The following DLGAP1 variants were observed in gnomAD, a reference collection of about 807,000 sequenced individuals.
DLGAP1 encodes disks large-associated protein 1.
A neutral mutation model predicts 90.8 loss-of-function variants in DLGAP1; 11 were observed. The ratio of observed to expected loss-of-function variants is 0.12; its 90% confidence interval spans 0.08 to 0.20. The LOEUF is 0.20. Among genes scored for constraint, DLGAP1 ranks in the 10% least tolerant of loss-of-function variants. DLGAP1 has a pLI of 1.00. For missense variants in DLGAP1, 1,050 were observed against 1,333.8 expected, an observed-to-expected ratio of 0.79 and a Z score of 3.31; for synonymous variants, 558 against 540.7, an observed-to-expected ratio of 1.03 and a Z score of -0.44.
intron 1 of DLGAP1, among the ~76,000 whole-genome samples, chr18:4,205,651 C>T (rs995820113): frequency 9.2e-5 from 14 of 152,286 alleles, no homozygotes; most frequent in Middle Eastern, 6.8e-3. Flanking sequence ...AGCCACCATG[C>T]CCAGCCTTAA....
In DLGAP1 at chr18:4,343,114, T is replaced by C. The variant is rs193150087; in HGVS notation, c.-267+111892A>G. Among the ~76,000 whole-genome samples the C allele has an allele frequency of 7.0e-3, 1,064 of 152,082 alleles. 8 individuals carry two copies. The highest frequency in any genetic ancestry group is 0.011 in the Admixed American group (170 of 15,280). On this transcript the variant is annotated intron_variant, in intron 1 of 12. Coordinates refer to ENST00000315677, the MANE Select transcript of DLGAP1 (RefSeq NM_004746.4). ...CGAGGTCAGGAGGTCGAGACCATCC[T>C]GTCTAACATGGTGAAACTCCGTCTC...
intron 2 of DLGAP1, among the ~76,000 whole-genome samples, chr18:4,063,681 A>C (rs2075331885): frequency 6.6e-6 from 1 of 152,076 alleles, no homozygotes; most frequent in Non-Finnish European, 1.5e-5. Context: ...ATTCTCACTA[A>C]GGGAGCCTTC....
At chr18:3,576,386 G>A (rs979285302) in intron 8 of DLGAP1, among the ~76,000 whole-genome samples, 4 of 150,934 alleles carry the variant, frequency 2.7e-5, no homozygotes, top group African/African-American at 9.8e-5. Context: ...AGCCTCCCGA[G>A]TACTTGATAT....
intron 7 of DLGAP1, among the ~76,000 whole-genome samples, chr18:3,601,620 A>C (rs1173313139): frequency 6.6e-6 from 1 of 151,800 alleles, no homozygotes; most frequent in Non-Finnish European, 1.5e-5. Flanking sequence ...AGGTGGGCCA[A>C]TCGTTTGAGG....
chr18:3,727,159 C>G lies in DLGAP1; in HGVS notation c.1591+1976G>C, dbSNP rs543847912. Among the ~76,000 whole-genome samples the G allele has an allele frequency of 3.0e-4, 46 of 152,320 alleles. No individual in the cohort carries two copies. Among genetic ancestry groups the G allele is most frequent in the Non-Finnish European group, 4.6e-4 (31 of 68,022 alleles). Reference sequence around the variant, plus strand: ...TACCTATCCAGCAGAATTATTCACTCTTTACCTGAAATTGAAATTTAACTG... The same window carrying G: ...TACCTATCCAGCAGAATTATTCACTGTTTACCTGAAATTGAAATTTAACTG... On this transcript the variant is annotated intron_variant, in intron 7 of 12. Coordinates refer to ENST00000315677, the MANE Select transcript of DLGAP1 (RefSeq NM_004746.4). The surrounding 1 kb of genome is among the most constrained non-coding windows in gnomAD (Gnocchi z 4.7).
intron 2 of DLGAP1, among the ~76,000 whole-genome samples, chr18:4,111,491 A>G (rs2075971427): frequency 6.6e-6 from 1 of 152,184 alleles, no homozygotes; most frequent in Non-Finnish European, 1.5e-5. Flanking sequence ...TTTACAAAGG[A>G]TTGGTATTCA....
At chr18:3,953,139 G>C in intron 3 of DLGAP1, among the ~76,000 whole-genome samples, 1 of 152,140 alleles carries the variant, frequency 6.6e-6, no homozygotes, top group Non-Finnish European at 1.5e-5. Flanking sequence ...CTCCTGAAAT[G>C]GTGTGTCCCA....
intron 5 of DLGAP1, among the ~76,000 whole-genome samples, chr18:3,798,162 A>C (rs2066100691): frequency 3.9e-5 from 6 of 152,258 alleles, no homozygotes; most frequent in Admixed American, 3.9e-4. Context: ...AAACACAGGC[A>C]AACACATTAG....
intron 1 of DLGAP1, among the ~76,000 whole-genome samples, chr18:4,426,377 C>A (rs1025005995): frequency 6.6e-6 from 1 of 152,216 alleles, no homozygotes; most frequent in Non-Finnish European, 1.5e-5. Context: ...AGAATGCCTT[C>A]TCTTAAATAC....
chr18:4,428,257 A>T (rs1356693910), intron 1 of DLGAP1, among the ~76,000 whole-genome samples: 1 of 152,126 alleles, frequency 6.6e-6, no homozygotes, highest in Admixed American at 6.5e-5. Flanking sequence ...TCATCAAGAT[A>T]ATGCATTACC....
intron 1 of DLGAP1, among the ~76,000 whole-genome samples, chr18:4,327,548 A>G (rs1192121659): frequency 6.6e-6 from 1 of 152,066 alleles, no homozygotes; most frequent in East Asian, 1.9e-4. Flanking sequence ...ATATTTCTGT[A>G]TGAATTATAT....
intron 7 of DLGAP1, among the ~76,000 whole-genome samples, chr18:3,652,646 A>C (rs1343975560): frequency 6.6e-6 from 1 of 152,160 alleles, no homozygotes; most frequent in African/African-American, 2.4e-5. Flanking sequence ...CCCAGCCCTC[A>C]TTTATTTGAT....
chr18:4,142,041 T>C (rs2076503268), intron 2 of DLGAP1, among the ~76,000 whole-genome samples: 2 of 152,156 alleles, frequency 1.3e-5, no homozygotes, highest in South Asian at 4.1e-4. Context: ...GGTTGTTCCT[T>C]GGTGTCTGAG....
At chr18:4,311,051 T>C (rs2080386347) in intron 1 of DLGAP1, among the ~76,000 whole-genome samples, 1 of 152,172 alleles carries the variant, frequency 6.6e-6, no homozygotes, top group Admixed American at 6.5e-5. Context: ...TATTTTTCCT[T>C]TCAAAGCCTA....
At chr18:4,226,149 T>C (rs1301988019) in intron 1 of DLGAP1, among the ~76,000 whole-genome samples, 1 of 152,084 alleles carries the variant, frequency 6.6e-6, no homozygotes, top group Non-Finnish European at 1.5e-5. Flanking sequence ...ATATATATAC[T>C]GTGCTGAAGG....
chr18:4,296,375 T>C (rs1364465224), intron 1 of DLGAP1, among the ~76,000 whole-genome samples: 1 of 152,128 alleles, frequency 6.6e-6, no homozygotes, highest in Non-Finnish European at 1.5e-5. Flanking sequence ...ATCCACATTG[T>C]TGGAAAAGAC....
chr18:3,990,625 AAATAT>A (rs1359130778), intron 3 of DLGAP1, among the ~76,000 whole-genome samples: 1 of 95,008 alleles, frequency 1.1e-5, no homozygotes, highest in Non-Finnish European at 2.1e-5. Context: ...CTAAAACTTA[AAATAT>A]AATAATAATA....
intron 7 of DLGAP1, among the ~76,000 whole-genome samples, chr18:3,644,343 C>T (rs955956944): frequency 3.3e-5 from 5 of 152,176 alleles, no homozygotes; most frequent in African/African-American, 1.2e-4. Context: ...AACTCCACTT[C>T]AGGGATTTAT....
intron 5 of DLGAP1, among the ~76,000 whole-genome samples, chr18:3,812,094 G>A (rs1024069896): frequency 2.0e-5 from 3 of 152,146 alleles, no homozygotes; most frequent in Admixed American, 6.5e-5. Context: ...GGAGGTTGCC[G>A]GTTTAAGTGA....
Sources: allele counts gnomAD v4.1 joint callset (sites outside exome capture counted in the v4.1 genomes callset), GRCh38; gene constraint gnomAD v4.1.1; non-coding constraint Gnocchi (gnomAD v3.1); transcripts MANE v1.5; gene names NCBI Gene and HGNC (gene_info 2026-07-23, HGNC 2026-07-21).